Variants in SLC16A8 observed in about 807,000 individuals in gnomAD.
The protein encoded by SLC16A8 is monocarboxylate transporter 3.
Under a neutral mutation model 22.4 loss-of-function variants are expected in SLC16A8, and 20 were observed. The ratio of observed to expected loss-of-function variants is 0.89; its 90% CI spans 0.63 to 1.30. SLC16A8 has a LOEUF of 1.30. SLC16A8 is among the 50% of genes most tolerant of loss of function. SLC16A8 has a pLI of 0.00. For synonymous variants in SLC16A8, 393 were observed against 358.8 expected (o/e 1.10, Z -1.08); for missense variants, 817 against 740.3 (o/e 1.10, Z -1.20).
chr22:38,081,606 C>T lies in SLC16A8; in HGVS notation c.432G>A (p.Leu144=), dbSNP rs1268588565. Residue 144 remains leucine (L), a synonymous_variant, in exon 5 of 6, where the codon CTG becomes CTA. Transcript: ENST00000681075. ...LGLYFERRRP[L]ANGLAAAGSP... ...TGCCCGCCGCCGCCAGCCCGTTGGC[C>T]AGAGGCCGCCGCCGCTCGAAGTACA... The T allele has an allele frequency of 5.9e-6, 9 of 1,520,154 alleles. No homozygotes were observed. Among genetic ancestry groups the T allele is most frequent in the South Asian group, 1.2e-5 (1 of 82,604 alleles). 94.2% of individuals were successfully genotyped at this position (1,520,154 alleles called of 1,614,324 possible).
Position 38,082,745 on chromosome 22 carries a change from G to T in SLC16A8, c.129C>A (p.Phe43Leu). Residue 43 changes from phenylalanine to leucine, a missense_variant, in exon 3 of 6, where the codon TTC becomes TTA. Physicochemically the swap from Phe to Leu is conservative, Grantham distance 22. Coordinates refer to ENST00000681075, the MANE Select transcript of SLC16A8 (RefSeq NM_013356.3). ...CGTCGAAGTCGCGCATGAGCGCGCG[G>T]AAGAAGACGCTCACGGCTTTGGGGA... Reference protein sequence around the residue: ...YGFPKAVSVFFRALMRDFDAG... With the variant: ...YGFPKAVSVFLRALMRDFDAG... The T allele has an allele frequency of 6.3e-7, 1 of 1,593,200 alleles. No homozygotes were observed. The highest frequency in any genetic ancestry group is 8.5e-7 in the Non-Finnish European group (1 of 1,172,346).
At chr22:38,080,743 C>A in intron 5 of SLC16A8, 97 bp downstream of exon 5, 1 of 1,415,008 alleles carries the variant, frequency 7.1e-7, no homozygotes, top group Non-Finnish European at 9.2e-7. Flanking sequence ...CTGCCCCTTC[C>A]CCTCATCCCT....
rs2085922070 is a variant in SLC16A8 at position 38,081,774 on chromosome 22, G to A, written c.359-95C>T. Reference sequence around the variant, plus strand: ...CCAGGCCCGGGAACCCAGCAGATCCGGGAACCCAGCCGAGGGACTTCGAAG... The same window carrying A: ...CCAGGCCCGGGAACCCAGCAGATCCAGGAACCCAGCCGAGGGACTTCGAAG... On this transcript the variant is annotated intron_variant, in intron 4 of 5. Transcript: ENST00000681075. 10 of 1,459,448 alleles carry A rather than the reference G, an allele frequency of 6.9e-6. No homozygotes were observed. The East Asian group carries it at 2.3e-4, about 33-fold the overall frequency. The allele number at this position is 1,459,448 out of a possible 1,614,324, so 90.4% of individuals were successfully genotyped here. A position where few individuals can be genotyped will look rare whatever the true frequency, so the allele number is the denominator to read the frequency against.
chr22:38,080,364 C>T (rs888126258), intron 5 of SLC16A8, among the ~76,000 whole-genome samples: 1 of 152,168 alleles, frequency 6.6e-6, no homozygotes, highest in Non-Finnish European at 1.5e-5. Flanking sequence ...CCCATCTGCC[C>T]GCTGAGCACC....
chr22:38,080,219 C>T (rs2085895787), intron 5 of SLC16A8, among the ~76,000 whole-genome samples: 1 of 152,172 alleles, frequency 6.6e-6, no homozygotes, highest in Non-Finnish European at 1.5e-5. Flanking sequence ...AAGCCCTGCC[C>T]ATCCATGCTG....
chr22:38,081,614 G>T lies in SLC16A8; in HGVS notation c.424C>A (p.Arg142=). 2 of 1,520,118 alleles carry T rather than the reference G, an allele frequency of 1.3e-6. No individual in the cohort carries two copies. Among genetic ancestry groups the T allele is most frequent in the East Asian group, 5.2e-5 (2 of 38,164 alleles). 94.2% of individuals were successfully genotyped at this position (1,520,118 alleles called of 1,614,324 possible). A position where few individuals can be genotyped will look rare whatever the true frequency, so the allele number is the denominator to read the frequency against. Residue 142 remains arginine (R), a synonymous_variant, in exon 5 of 6, where the codon CGG becomes AGG. Transcript: ENST00000681075. ...IMLGLYFERR[R]PLANGLAAAG... Reference sequence around the variant, plus strand: ...GCCGCCAGCCCGTTGGCCAGAGGCCGCCGCCGCTCGAAGTACAGCCCCAGC... The same window carrying T: ...GCCGCCAGCCCGTTGGCCAGAGGCCTCCGCCGCTCGAAGTACAGCCCCAGC...
In SLC16A8 at chr22:38,082,558, G is replaced by A. The variant is rs765605968; in HGVS notation, c.214+102C>T. The A allele has an allele frequency of 5.1e-4, 512 of 1,004,984 alleles. 1 individual carries two copies. Among genetic ancestry groups the A allele is most frequent in the Non-Finnish European group, 7.0e-4 (494 of 704,478 alleles). 62.3% of individuals were successfully genotyped at this position (1,004,984 alleles called of 1,614,324 possible). On this transcript the variant is annotated intron_variant, in intron 3 of 5. Coordinates refer to ENST00000681075, the MANE Select transcript of SLC16A8 (RefSeq NM_013356.3). ...TCCCACAGGCAGGAAGGGACTTCGGGGGCCACCCCGAGGGTCAGGGGGATG... is the reference window on the plus strand; with the variant it reads ...TCCCACAGGCAGGAAGGGACTTCGGAGGCCACCCCGAGGGTCAGGGGGATG...
rs2085947327 is a variant in SLC16A8 at position 38,083,195 on chromosome 22, G to T, written c.-162C>A. The T allele has an allele frequency of 1.1e-5, 4 of 371,580 alleles. No individual in the cohort carries two copies. The highest frequency in any genetic ancestry group is 2.0e-5 in the Non-Finnish European group (4 of 203,922). 23.0% of individuals were successfully genotyped at this position (371,580 alleles called of 1,614,324 possible). On this transcript the variant is annotated 5_prime_UTR_variant, in exon 2 of 6. Coordinates refer to ENST00000681075, the MANE Select transcript of SLC16A8 (RefSeq NM_013356.3). ...GCGTCGGGAAGTGGAGCAGGTATGT[G>T]CCTGGAGGTGGGCGTCCAGCACCAA...
In SLC16A8 at chr22:38,080,951, G is replaced by C; in HGVS notation, c.1087C>G (p.Leu363Val). Residue 363 changes from leucine to valine, a missense_variant, in exon 5 of 6, where the codon CTG (leucine) becomes GTG (valine). By Grantham distance (32) the Leu-to-Val change is conservative. Coordinates refer to ENST00000681075, the MANE Select transcript of SLC16A8 (RefSeq NM_013356.3). ...GCCGCCATGAGCACCTCGAACTGCA[G>C]CGCGCCCACCATGCCGTAGGAGAGG... ...FGLSYGMVGALQFEVLMAAVG... is the reference protein window; with the variant it reads ...FGLSYGMVGAVQFEVLMAAVG... 6.3e-7 allele frequency: 1 copy of C among 1,590,712 alleles called. No homozygotes were observed. The highest frequency in any genetic ancestry group is 2.3e-5 in the East Asian group (1 of 44,276).
At position 38,081,561 on chromosome 22, in the gene SLC16A8, C is replaced by T. The variant is rs2085918316; in HGVS notation, c.477G>A (p.Ala159=). The change falls in exon 5 of 6, where the codon GCG becomes GCA. Residue 159 remains alanine (A), a synonymous_variant. Transcript: ENST00000681075. ...GCAGCTGCTGGCCGAGCGGCGACAGCGCGGACAGGAACACGGGGCTGCCCG... is the reference window on the plus strand; with the variant it reads ...GCAGCTGCTGGCCGAGCGGCGACAGTGCGGACAGGAACACGGGGCTGCCCG... ...AAAGSPVFLS[A]LSPLGQQLLE... 2.0e-6 allele frequency: 3 copies of T among 1,490,820 alleles called. No individual in the cohort carries two copies. Among genetic ancestry groups the T allele is most frequent in the South Asian group, 1.3e-5 (1 of 78,936 alleles). The allele number at this position is 1,490,820 out of a possible 1,614,324, so 92.3% of individuals were successfully genotyped here. A position where few individuals can be genotyped will look rare whatever the true frequency, so the allele number is the denominator to read the frequency against.
At position 38,081,065 on chromosome 22, in the gene SLC16A8, G is replaced by A. The variant is rs778174794; in HGVS notation, c.973C>T (p.Leu325=). The change falls in exon 5 of 6, where the codon CTG becomes TTG. Residue 325 remains leucine, a synonymous_variant. Coordinates refer to ENST00000681075, the MANE Select transcript of SLC16A8 (RefSeq NM_013356.3). ...GTGAGCCCATTGGCCAGCAGGGCCA[G>A]GCTGAACAGATACGGGACGTGCGGC... The part of the protein sequence containing the change: ...LRPHVPYLFS[L]ALLANGLTDL... 2.1e-5 allele frequency: 33 copies of A among 1,583,154 alleles called. No homozygotes were observed. The highest frequency in any genetic ancestry group is 1.6e-4 in the Admixed American group (9 of 55,720).
intron 5 of SLC16A8, among the ~76,000 whole-genome samples, chr22:38,079,028 A>G (rs141971986): frequency 6.6e-6 from 1 of 151,638 alleles, no homozygotes; most frequent in African/African-American, 2.4e-5. Flanking sequence ...CTGGGGTGGG[A>G]GCGGGGAGGG....
At chr22:38,079,451 C>T (rs2085888039) in intron 5 of SLC16A8, among the ~76,000 whole-genome samples, 1 of 152,120 alleles carries the variant, frequency 6.6e-6, no homozygotes, top group Non-Finnish European at 1.5e-5. Flanking sequence ...GACAGGGTCT[C>T]ACTCCATTGG....
At position 38,082,760 on chromosome 22, in the gene SLC16A8, G is replaced by T; in HGVS notation, c.114C>A (p.Ala38=). 2 of 1,593,996 alleles carry T rather than the reference G, an allele frequency of 1.3e-6. No individual in the cohort carries two copies. The highest frequency in any genetic ancestry group is 1.7e-6 in the Non-Finnish European group (2 of 1,173,084). Residue 38 remains alanine, a synonymous_variant, in exon 3 of 6, where the codon GCC becomes GCA. Transcript: ENST00000681075. ...VTGFAYGFPK[A]VSVFFRALMR... is the part of the protein sequence containing the mutation. ...TGAGCGCGCGGAAGAAGACGCTCAC[G>T]GCTTTGGGGAAGCCGTAGGCGAAGC... is the stretch of plus-strand genomic sequence containing the variant.
At chr22:38,079,760 T>C (rs2085890789) in intron 5 of SLC16A8, among the ~76,000 whole-genome samples, 1 of 152,224 alleles carries the variant, frequency 6.6e-6, no homozygotes, top group South Asian at 2.1e-4. Context: ...GGTTTGTCTG[T>C]GTGCTCCACC....
rs1474578521 is a variant in SLC16A8, at chr22:38,081,074, G to A, written c.964C>T (p.Leu322=). 4 of 1,573,874 alleles carry A rather than the reference G, an allele frequency of 2.5e-6. No individual in the cohort carries two copies. In the African/African-American group the frequency reaches 5.4e-5, roughly 21 times the overall value. Residue 322 remains leucine, a synonymous_variant, in exon 5 of 6, where the codon CTG becomes TTG. Transcript: ENST00000681075. ...LARLRPHVPY[L]FSLALLANGL... ...TTGGCCAGCAGGGCCAGGCTGAACA[G>A]ATACGGGACGTGCGGCCGCAGACGC...
rs762971266 is a variant in SLC16A8, at chr22:38,081,029, T to C, written c.1009A>G (p.Ser337Gly). The change falls in exon 5 of 6, where the codon AGC becomes GGC. Residue 337 changes from serine (S) to glycine (G), a missense_variant. Physicochemically the swap from Ser to Gly is moderately conservative, Grantham distance 56. Coordinates refer to ENST00000681075, the MANE Select transcript of SLC16A8 (RefSeq NM_013356.3). ...LLANGLTDLS[S>G]ARARSYGALV... Reference sequence around the variant, plus strand: ...GCGCCGTAGGAGCGCGCGCGTGCGCTGCTCAGGTCTGTGAGCCCATTGGCC... The same window carrying C: ...GCGCCGTAGGAGCGCGCGCGTGCGCCGCTCAGGTCTGTGAGCCCATTGGCC... 8 of 1,595,232 alleles carry C rather than the reference T, an allele frequency of 5.0e-6. No homozygotes were observed. The Admixed American group carries it at 1.2e-4, about 24-fold the overall frequency.
In SLC16A8 at chr22:38,081,968, C is replaced by G. The variant is rs1384023758; in HGVS notation, c.279G>C (p.Leu93=). 6.4e-7 allele frequency: 1 copy of G among 1,561,702 alleles called. No homozygotes were observed. Among genetic ancestry groups the G allele is most frequent in the East Asian group, 2.4e-5 (1 of 41,738 alleles). The part of the protein sequence containing the change: ...GCRPVMLAGG[L]LASAGMILAS... Reference sequence around the variant, plus strand: ...CTAGGATCATGCCCGCGGAAGCCAGCAGCCCACCCGCCAGCATCACCGGGC... The same window carrying G: ...CTAGGATCATGCCCGCGGAAGCCAGGAGCCCACCCGCCAGCATCACCGGGC... Residue 93 remains leucine, a synonymous_variant, in exon 4 of 6, where the codon CTG becomes CTC. Coordinates refer to ENST00000681075, the MANE Select transcript of SLC16A8 (RefSeq NM_013356.3).
chr22:38,079,687 T>C (rs1601968606), intron 5 of SLC16A8, among the ~76,000 whole-genome samples: 1 of 152,210 alleles, frequency 6.6e-6, no homozygotes, highest in East Asian at 1.9e-4. Flanking sequence ...TGGGATTACA[T>C]GCATGAGCCA....
Sources: allele counts gnomAD v4.1 joint callset (sites outside exome capture counted in the v4.1 genomes callset), GRCh38; gene constraint gnomAD v4.1.1; transcripts MANE v1.5; gene names NCBI Gene and HGNC (gene_info 2026-07-23, HGNC 2026-07-21).